ITGA8: variants seen among roughly 807,000 people sequenced by gnomAD.
The protein encoded by ITGA8 is integrin subunit alpha 8.
ITGA8 carries 91 observed loss-of-function variants against 142.3 expected under a neutral mutation model. The observed-to-expected ratio is 0.64, with a 90% CI of 0.54 to 0.76. The LOEUF (loss-of-function observed/expected upper bound fraction) is 0.76. Among genes scored for constraint, ITGA8 ranks in the 30% least tolerant of loss-of-function variants. ITGA8 has a pLI of 0.00. For synonymous variants in ITGA8, 505 were observed against 485.2 expected (o/e 1.04, Z -0.54); for missense variants, 1,406 against 1,327.7 (o/e 1.06, Z -0.92).
At chr10:15,699,795 G>A (rs550141245) in intron 2 of ITGA8, among the ~76,000 whole-genome samples, 1 of 152,210 alleles carries the variant, frequency 6.6e-6, no homozygotes, top group Non-Finnish European at 1.5e-5. Context: ...AGCAGTGGAG[G>A]AGTGAGGGAT....
At chr10:15,590,282 G>A (rs747926808) in intron 22 of ITGA8, among the ~76,000 whole-genome samples, 3 of 152,108 alleles carry the variant, frequency 2.0e-5, no homozygotes, top group Non-Finnish European at 2.9e-5. Flanking sequence ...CAGCAAATTC[G>A]GCACTTCATT....
intron 13 of ITGA8, among the ~76,000 whole-genome samples, chr10:15,626,915 G>A (rs1833594282): frequency 6.6e-6 from 1 of 152,226 alleles, no homozygotes; most frequent in African/African-American, 2.4e-5. Context: ...CCTCCAGTCT[G>A]TGATGTGTGA....
chr10:15,619,106 G>A (rs373422875), intron 13 of ITGA8, among the ~76,000 whole-genome samples: 8 of 152,104 alleles, frequency 5.3e-5, no homozygotes, highest in Admixed American at 2.6e-4. Flanking sequence ...AGCCAGGTGG[G>A]GCCCTGATTG....
chr10:15,622,836 T>C (rs1329237613), intron 13 of ITGA8, among the ~76,000 whole-genome samples: 7 of 152,150 alleles, frequency 4.6e-5, no homozygotes, highest in African/African-American at 9.7e-5. Context: ...AAAATAAATA[T>C]CTGTGACTAA....
chr10:15,582,278 A>ACCT (rs1235827244), intron 23 of ITGA8, among the ~76,000 whole-genome samples: 1 of 152,126 alleles, frequency 6.6e-6, no homozygotes, highest in Non-Finnish European at 1.5e-5. Flanking sequence ...CTTGGCCCTC[A>ACCT]CCTCACACCA....
rs34758919 is a variant in ITGA8 at position 15,527,906 on chromosome 10, C to CTTTTTTTTTTTTTTTTTT, written c.2982+3126_2982+3143dup. On this transcript the variant is annotated intron_variant, in intron 28 of 29. Transcript: ENST00000378076. ...TTAAAGCAATTCCCTTTCGGCTGGGCTTTTTTTTTTTTTTTTTTTTTTTTT... is the reference window on the plus strand; with the variant it reads ...TTAAAGCAATTCCCTTTCGGCTGGGCTTTTTTTTTTTTTTTTTTTTTTTTTTTTTTTTTTTTTTTTTTT... 9.0e-5 allele frequency among the ~76,000 whole-genome samples: 7 copies of CTTTTTTTTTTTTTTTTTT among 78,036 alleles called. 3 individuals are homozygous for CTTTTTTTTTTTTTTTTTT. The highest frequency in any genetic ancestry group is 1.2e-4 in the Non-Finnish European group (5 of 42,608). 51.2% of individuals were successfully genotyped at this position (78,036 alleles called of 152,430 possible).
intron 23 of ITGA8, among the ~76,000 whole-genome samples, chr10:15,581,494 G>A (rs979585968): frequency 2.0e-5 from 3 of 152,056 alleles, no homozygotes; most frequent in African/African-American, 7.2e-5. Context: ...AATGAGTTCT[G>A]TGTACTTCTA....
At chr10:15,648,511 ATATAT>A (rs1834028141) in intron 11 of ITGA8, among the ~76,000 whole-genome samples, 1 of 150,442 alleles carries the variant, frequency 6.6e-6, no homozygotes, top group South Asian at 2.1e-4. Context: ...TTAATATACA[ATATAT>A]TAATATACAA....
At chr10:15,613,127 C>G (rs981868352) in intron 15 of ITGA8, among the ~76,000 whole-genome samples, 1 of 151,388 alleles carries the variant, frequency 6.6e-6, no homozygotes, top group African/African-American at 2.4e-5. Context: ...TGCCACTGCC[C>G]TCCAGCCTGG....
At chr10:15,569,699 G>C (rs1834144960) in intron 25 of ITGA8, among the ~76,000 whole-genome samples, 1 of 152,158 alleles carries the variant, frequency 6.6e-6, no homozygotes, top group African/African-American at 2.4e-5. Context: ...AAACATCGCT[G>C]TGCCTGGCTA....
chr10:15,701,067 A>G (rs915114343), intron 2 of ITGA8, among the ~76,000 whole-genome samples: 1 of 152,196 alleles, frequency 6.6e-6, no homozygotes, highest in Non-Finnish European at 1.5e-5. Flanking sequence ...TGTTTGATGA[A>G]TGAATAACCA....
chr10:15,563,568 CTATTAT>C (rs979730500), intron 25 of ITGA8, among the ~76,000 whole-genome samples: 2 of 151,832 alleles, frequency 1.3e-5, no homozygotes, highest in Non-Finnish European at 2.9e-5. Flanking sequence ...AAGATATAGC[CTATTAT>C]TATTATTATT....
chr10:15,535,771 A>G (rs1463182057), intron 27 of ITGA8, among the ~76,000 whole-genome samples: 2 of 152,192 alleles, frequency 1.3e-5, no homozygotes, highest in Non-Finnish European at 2.9e-5. Context: ...TGCCTGGGAC[A>G]GCAGTGGCAA....
intron 8 of ITGA8, among the ~76,000 whole-genome samples, chr10:15,668,451 G>A (rs1834440191): frequency 6.7e-6 from 1 of 148,714 alleles, no homozygotes; most frequent in African/African-American, 2.5e-5. Flanking sequence ...ACAGCACACT[G>A]ATGGGTCTTG....
intron 25 of ITGA8, among the ~76,000 whole-genome samples, chr10:15,569,788 T>A (rs532368808): frequency 3.3e-5 from 5 of 152,304 alleles, no homozygotes; most frequent in African/African-American, 9.6e-5. Flanking sequence ...ATTAAAAATT[T>A]CTCAGATCTA....
At chr10:15,671,794 G>T in intron 7 of ITGA8, 147 bp from the exon 8 acceptor site, 6 of 467,366 alleles carry the variant, frequency 1.3e-5, no homozygotes, top group East Asian at 8.9e-5. Context: ...TCTATAAAGG[G>T]AAAAATTAAT....
At position 15,516,466 on chromosome 10, in the gene ITGA8, T is replaced by C. The variant is rs1000832688; in HGVS notation, c.*692A>G. The C allele has an allele frequency of 1.3e-5, 2 of 152,226 alleles. No individual in the cohort carries two copies. The highest frequency in any genetic ancestry group is 6.5e-5 in the Admixed American group (1 of 15,284). The allele number at this position is 152,226 out of a possible 1,614,324, so 9.4% of individuals were successfully genotyped here. On this transcript the variant is annotated 3_prime_UTR_variant, in exon 30 of 30. Coordinates refer to ENST00000378076, the MANE Select transcript of ITGA8 (RefSeq NM_003638.3). ...TGAGTTATCTGCACACAGTGGTTCTTAGGAGGAAACTGAGTGAGTGATTTT... is the reference window on the plus strand; with the variant it reads ...TGAGTTATCTGCACACAGTGGTTCTCAGGAGGAAACTGAGTGAGTGATTTT...
intron 13 of ITGA8, among the ~76,000 whole-genome samples, chr10:15,617,869 A>G (rs2131620578): frequency 6.6e-6 from 1 of 152,370 alleles, no homozygotes; most frequent in East Asian, 1.9e-4. Context: ...AACATGTCGT[A>G]TATAAACACC....
At chr10:15,599,140 C>CA (rs1363175182) in intron 20 of ITGA8, among the ~76,000 whole-genome samples, 49 of 151,930 alleles carry the variant, frequency 3.2e-4, no homozygotes, top group African/African-American at 1.1e-3. Flanking sequence ...AGTTTTTCCC[C>CA]AGTTTTCTGG....
Sources: allele counts gnomAD v4.1 joint callset (sites outside exome capture counted in the v4.1 genomes callset), GRCh38; gene constraint gnomAD v4.1.1; transcripts MANE v1.5; gene names NCBI Gene and HGNC (gene_info 2026-07-23, HGNC 2026-07-21).